MARVELD2: variants seen among roughly 807,000 people sequenced by gnomAD.
MARVELD2 encodes MARVEL domain containing 2, also known as MARVEL domain-containing protein 2.
In MARVELD2, 49 loss-of-function variants were observed where a neutral mutation model predicts 57.6. The observed-to-expected ratio is 0.85, with a 90% CI of 0.68 to 1.08. MARVELD2 has a LOEUF of 1.08. MARVELD2 is among the 50% of genes least tolerant of loss of function. The probability of loss-of-function intolerance (pLI) is 0.00; values close to 1 mark genes in which losing one functional copy is unlikely to be tolerated. For missense variants in MARVELD2, 606 were observed against 701.1 expected, an observed-to-expected ratio of 0.86 and a Z score of 1.53; for synonymous variants, 238 against 258.8, an observed-to-expected ratio of 0.92 and a Z score of 0.77.
chr5:69,433,401 C>T (rs1767032628), intron 5 of MARVELD2, among the ~76,000 whole-genome samples: 1 of 151,528 alleles, frequency 6.6e-6, no homozygotes, highest in South Asian at 2.1e-4. Context: ...ATCCACCTGC[C>T]TTGGCCTCCC....
chr5:69,431,007 C>G (rs1580487799), intron 3 of MARVELD2, among the ~76,000 whole-genome samples: 1 of 151,786 alleles, frequency 6.6e-6, no homozygotes, highest in East Asian at 1.9e-4. Flanking sequence ...CCTGCAGCCT[C>G]GAACTCCTGG....
At chr5:69,435,923 A>C (rs1482189919) in intron 5 of MARVELD2, among the ~76,000 whole-genome samples, 1 of 152,084 alleles carries the variant, frequency 6.6e-6, no homozygotes, top group Non-Finnish European at 1.5e-5. Context: ...TTCATTTTGC[A>C]TAATGTTTTC....
chr5:69,437,499 A>T (rs1043981550), intron 5 of MARVELD2, among the ~76,000 whole-genome samples: 3 of 151,784 alleles, frequency 2.0e-5, no homozygotes, highest in African/African-American at 7.3e-5. Flanking sequence ...CCTGGCCAGC[A>T]TAGTGAAACC....
intron 5 of MARVELD2, among the ~76,000 whole-genome samples, 168 bp from the exon 6 acceptor site, chr5:69,440,282 G>T (rs1767289785): frequency 6.6e-6 from 1 of 152,190 alleles, no homozygotes; most frequent in African/African-American, 2.4e-5. Context: ...GGGCCTAGCA[G>T]ACAGTAAGCC....
In MARVELD2 at chr5:69,420,520, G is replaced by T; in HGVS notation, c.1135G>T (p.Glu379Ter). 1 of 1,610,522 alleles carries T rather than the reference G, an allele frequency of 6.2e-7. No individual in the cohort carries two copies. Among genetic ancestry groups the T allele is most frequent in the South Asian group, 1.1e-5 (1 of 91,068 alleles). Residue 379 changes from glutamate (E) to a stop codon, truncating the protein, a stop_gained, in exon 2 of 7, where the codon GAA (glutamate) becomes TAA (stop). Coordinates refer to ENST00000325631, the MANE Select transcript of MARVELD2 (RefSeq NM_001038603.3). LOFTEE classifies it high-confidence loss of function. ...EAARRHREYM[E>*]QQEINEPSLS... The stretch of plus-strand genomic sequence containing the variant: ...AGCTCGGAGACATAGAGAATATATG[G>T]AACAACAGGAGGTAAGTGATTTCAT...
In MARVELD2 at chr5:69,432,510, T is replaced by C; in HGVS notation, c.1183-17T>C. On this transcript the variant is annotated splice_polypyrimidine_tract_variant and intron_variant, in intron 3 of 6. Transcript: ENST00000325631. Reference sequence around the variant, plus strand: ...CTTATGTTTATTAACAAATCCTCTTTTTCTCCCTAACTGCAGTGTGAAATG... The same window carrying C: ...CTTATGTTTATTAACAAATCCTCTTCTTCTCCCTAACTGCAGTGTGAAATG... The C allele has an allele frequency of 1.2e-6, 2 of 1,613,742 alleles. No homozygotes were observed. Among genetic ancestry groups the C allele is most frequent in the Non-Finnish European group, 1.7e-6 (2 of 1,179,650 alleles).
chr5:69,441,847 A>G lies in MARVELD2; in HGVS notation c.*193A>G, dbSNP rs1767338749. ...TGGGATTACAGGCGTGCGCTGCCAC[A>G]CCCCGCTAATTTTTGTATTTTTAGT... On this transcript the variant is annotated 3_prime_UTR_variant, in exon 7 of 7. Coordinates refer to ENST00000325631, the MANE Select transcript of MARVELD2 (RefSeq NM_001038603.3). 2 of 404,874 alleles carry G rather than the reference A, an allele frequency of 4.9e-6. No homozygotes were observed. The highest frequency in any genetic ancestry group is 4.6e-6 in the Non-Finnish European group (1 of 219,372). 25.1% of individuals were successfully genotyped at this position (404,874 alleles called of 1,614,324 possible). A position where few individuals can be genotyped will look rare whatever the true frequency, so the allele number is the denominator to read the frequency against.
chr5:69,427,821 C>T (rs1260900012), intron 3 of MARVELD2, among the ~76,000 whole-genome samples: 1 of 152,148 alleles, frequency 6.6e-6, no homozygotes, highest in Non-Finnish European at 1.5e-5. Flanking sequence ...TAGATTTCTT[C>T]CCAATAGAGA....
chr5:69,422,608 T>A (rs1344026894), intron 2 of MARVELD2, among the ~76,000 whole-genome samples: 3 of 152,186 alleles, frequency 2.0e-5, no homozygotes, highest in African/African-American at 7.2e-5. Context: ...TTAGCAATTT[T>A]AATTTTGCCC....
chr5:69,419,301 A>T, intron 1 of MARVELD2, 70 bp from the exon 2 acceptor site: 2 of 1,484,116 alleles, frequency 1.3e-6, no homozygotes, highest in Non-Finnish European at 1.9e-6. Context: ...TTGCTACTAC[A>T]TGAATAAAAT....
chr5:69,438,877 A>C (rs1174846166), intron 5 of MARVELD2, among the ~76,000 whole-genome samples: 1 of 150,472 alleles, frequency 6.6e-6, no homozygotes, highest in Non-Finnish European at 1.5e-5. Flanking sequence ...CAGAATTGAG[A>C]CTCCATCTCA....
chr5:69,440,597 T>C, intron 6 of MARVELD2, 97 bp downstream of exon 6: 1 of 732,922 alleles, frequency 1.4e-6, no homozygotes. Context: ...AGTTCCTTTT[T>C]GTATTTCATG....
At position 69,444,000 on chromosome 5, in the gene MARVELD2, C is replaced by T. The variant is rs1157464696; in HGVS notation, c.*2346C>T. On this transcript the variant is annotated 3_prime_UTR_variant, in exon 7 of 7. Coordinates refer to ENST00000325631, the MANE Select transcript of MARVELD2 (RefSeq NM_001038603.3). ...GTTAACATTTCACTTAAGAAGAGCA[C>T]CAGTGCTTTAAAAAAAAAAAAAGGT... The T allele has an allele frequency of 2.8e-4, 2 of 7,260 alleles. No individual in the cohort carries two copies. The highest frequency in any genetic ancestry group is 2.9e-3 in the Non-Finnish European group (1 of 340). 0.4% of individuals were successfully genotyped at this position (7,260 alleles called of 1,614,324 possible). A position where few individuals can be genotyped will look rare whatever the true frequency, so the allele number is the denominator to read the frequency against.
chr5:69,432,865 C>T (rs1050296223), intron 4 of MARVELD2, 57 bp from the exon 5 acceptor site: 32 of 1,587,802 alleles, frequency 2.0e-5, no homozygotes, highest in Non-Finnish European at 2.8e-5. Flanking sequence ...AAGCTGATTT[C>T]CCATTCAGCT....
At chr5:69,422,900 T>G (rs6870267) in intron 2 of MARVELD2, among the ~76,000 whole-genome samples, 1 of 152,140 alleles carries the variant, frequency 6.6e-6, no homozygotes, top group African/African-American at 2.4e-5. Flanking sequence ...AAAGAACCTA[T>G]GTGAAATATC....
In MARVELD2 at chr5:69,420,404, G is replaced by A. The variant is rs745719696; in HGVS notation, c.1019G>A (p.Gly340Glu). Residue 340 changes from glycine to glutamate, a missense_variant, in exon 2 of 7, where the codon GGA becomes GAA. Coordinates refer to ENST00000325631, the MANE Select transcript of MARVELD2 (RefSeq NM_001038603.3). ...GCAGTGTTCTGCCGGGTAGAAGGAGGACAGATAGCTGCAATGATCTTCCTG... is the reference window on the plus strand; with the variant it reads ...GCAGTGTTCTGCCGGGTAGAAGGAGAACAGATAGCTGCAATGATCTTCCTG... ...VNAVFCRVEG[G>E]QIAAMIFLFV... The A allele has an allele frequency of 6.2e-6, 10 of 1,613,904 alleles. No individual in the cohort carries two copies. The African/African-American group carries it at 1.1e-4, about 17-fold the overall frequency.
chr5:69,435,498 A>G (rs1767105418), intron 5 of MARVELD2, among the ~76,000 whole-genome samples: 1 of 151,950 alleles, frequency 6.6e-6, no homozygotes, highest in Non-Finnish European at 1.5e-5. Context: ...TCATGCCTGT[A>G]ATCTCAGCAG....
chr5:69,443,787 T>C lies in MARVELD2; in HGVS notation c.*2133T>C, dbSNP rs1307353075. On this transcript the variant is annotated 3_prime_UTR_variant, in exon 7 of 7. Transcript: ENST00000325631. ...AAAGCAGAAGCTTAGAAAGTTGTGG[T>C]CACTGAATGCACTCCCTGGTTTTTA... is the stretch of plus-strand genomic sequence containing the variant. The C allele has an allele frequency of 6.6e-6, 1 of 152,122 alleles. No individual in the cohort carries two copies. The highest frequency in any genetic ancestry group is 2.4e-5 in the African/African-American group (1 of 41,442). 9.4% of individuals were successfully genotyped at this position (152,122 alleles called of 1,614,324 possible).
chr5:69,437,015 C>T (rs1011170464), intron 5 of MARVELD2, among the ~76,000 whole-genome samples: 4 of 151,398 alleles, frequency 2.6e-5, no homozygotes, highest in Admixed American at 6.6e-5. Flanking sequence ...AAGGTGAAAC[C>T]GCGTCTCTAC....
Sources: gnomAD v4.1 joint callset for allele counts (sites outside exome capture counted in the v4.1 genomes callset) on GRCh38, gnomAD v4.1.1 for gene constraint, MANE v1.5 for transcripts, NCBI Gene and HGNC (gene_info 2026-07-23, HGNC 2026-07-21) for gene names.